FMN1: variants seen among roughly 807,000 people sequenced by gnomAD.
FMN1 encodes formin-1.
A neutral mutation model predicts 132.4 loss-of-function variants in FMN1; 110 were observed. The observed-to-expected ratio is 0.83, with a 90% CI of 0.71 to 0.97. FMN1 has a LOEUF of 0.97. FMN1 is among the 50% of genes least tolerant of loss of function. The pLI, the probability that FMN1 is intolerant of heterozygous loss-of-function variation, is 0.00. For synonymous variants in FMN1, 722 were observed against 651.7 expected, an observed-to-expected ratio of 1.11 and a Z score of -1.64; for missense variants, 1,792 against 1,705.3, an observed-to-expected ratio of 1.05 and a Z score of -0.90.
intron 17 of FMN1, among the ~76,000 whole-genome samples, chr15:32,821,825 C>G (rs1004352477): frequency 6.6e-6 from 1 of 152,172 alleles, no homozygotes. Flanking sequence ...AATACCCTAA[C>G]CTGGAACAAT....
intron 4 of FMN1, among the ~76,000 whole-genome samples, chr15:33,116,961 CCAATA>C (rs1356100690): frequency 2.6e-5 from 4 of 152,166 alleles, no homozygotes; most frequent in Non-Finnish European, 4.4e-5. Context: ...ATTGTTTCCA[CCAATA>C]CAACACTACC....
chr15:32,980,533 G>C (rs74012422), intron 7 of FMN1, among the ~76,000 whole-genome samples: 1 of 152,068 alleles, frequency 6.6e-6, no homozygotes, highest in African/African-American at 2.4e-5. Context: ...AAACTGTACA[G>C]TATTATGCCA....
At position 32,771,319 on chromosome 15, in the gene FMN1, C is replaced by G. The variant is rs911807411; in HGVS notation, c.*2991G>C. ...GGTCTCAATCTCCTGACCTCGTGATCCGCCCCCGCTTGGCCTCCCAAAGTG... is the reference window on the plus strand; with the variant it reads ...GGTCTCAATCTCCTGACCTCGTGATGCGCCCCCGCTTGGCCTCCCAAAGTG... On this transcript the variant is annotated 3_prime_UTR_variant, in exon 21 of 21. Transcript: ENST00000616417. The G allele has an allele frequency of 5.9e-5, 9 of 151,714 alleles. No individual in the cohort carries two copies. The highest frequency in any genetic ancestry group is 2.2e-4 in the African/African-American group (9 of 41,238). 9.4% of individuals were successfully genotyped at this position (151,714 alleles called of 1,614,324 possible). A position where few individuals can be genotyped will look rare whatever the true frequency, so the allele number is the denominator to read the frequency against.
chr15:33,129,117 C>G (rs1963422924), intron 4 of FMN1, among the ~76,000 whole-genome samples: 1 of 152,158 alleles, frequency 6.6e-6, no homozygotes. Flanking sequence ...CCCACAAAAC[C>G]CAGAAGCCCA....
chr15:33,099,721 T>C (rs929154232), intron 4 of FMN1, among the ~76,000 whole-genome samples: 2 of 152,214 alleles, frequency 1.3e-5, no homozygotes, highest in African/African-American at 4.8e-5. Context: ...GCACCTGCAA[T>C]TGGCATCCCC....
chr15:32,901,973 C>T lies in FMN1; in HGVS notation c.3445G>A (p.Val1149Ile), dbSNP rs770083846. The change falls in exon 13 of 21, where the codon GTC becomes ATC. Residue 1149 changes from valine (V) to isoleucine (I), a missense_variant. Val to Ile is a conservative substitution (Grantham distance 29). Around this residue, in one of 3 missense-constraint regions of FMN1, gnomAD observed 1,150 missense variants for 1,043.1 expected, o/e 1.10. Transcript: ENST00000616417. ...AAGGAGGTGATACCCTCAGAAAAGA[C>T]AGATCTGAAGATTATGCACTGGGCA... ...ERAQCIIFRSVFSEGITSLHR... is the reference protein window; with the variant it reads ...ERAQCIIFRSIFSEGITSLHR... The T allele has an allele frequency of 6.2e-7, 1 of 1,613,320 alleles. No homozygotes were observed. The highest frequency in any genetic ancestry group is 1.3e-5 in the African/African-American group (1 of 75,006).
chr15:32,958,924 C>T (rs963725833), intron 9 of FMN1, among the ~76,000 whole-genome samples: 22 of 151,378 alleles, frequency 1.5e-4, no homozygotes, highest in African/African-American at 2.2e-4. Context: ...TGCCTGTAAT[C>T]GTAGCTACTT....
chr15:32,930,718 T>C (rs2061092106), intron 9 of FMN1, among the ~76,000 whole-genome samples: 1 of 151,360 alleles, frequency 6.6e-6, no homozygotes, highest in Non-Finnish European at 1.5e-5. Context: ...TTTTGCTTTT[T>C]TTGGGGGGGG....
At position 32,998,354 on chromosome 15, in the gene FMN1, C is replaced by G. The variant is rs74012449; in HGVS notation, c.2223+9660G>C. 7.3e-3 allele frequency among the ~76,000 whole-genome samples: 1,116 copies of G among 152,232 alleles called. 19 individuals carry two copies. The highest frequency in any genetic ancestry group is 0.026 in the African/African-American group (1,089 of 41,528). On this transcript the variant is annotated intron_variant, in intron 7 of 20. Coordinates refer to ENST00000616417, the MANE Select transcript of FMN1 (RefSeq NM_001277313.2). Reference sequence around the variant, plus strand: ...AGTTGCCTAGCACTGATCTAGGTAACATGGGAAAAGAAAATCTCCTAGGAC... The same window carrying G: ...AGTTGCCTAGCACTGATCTAGGTAAGATGGGAAAAGAAAATCTCCTAGGAC...
At chr15:33,119,197 C>T (rs1302396713) in intron 4 of FMN1, among the ~76,000 whole-genome samples, 3 of 152,024 alleles carry the variant, frequency 2.0e-5, no homozygotes, top group African/African-American at 4.8e-5. Context: ...CAATGAACAC[C>T]CTTCTCTCTC....
chr15:32,885,092 T>C (rs928847247), intron 16 of FMN1, among the ~76,000 whole-genome samples: 1 of 152,244 alleles, frequency 6.6e-6, no homozygotes, highest in African/African-American at 2.4e-5. Context: ...AAGCTGTTAC[T>C]TTCACTGAAC....
chr15:33,128,747 A>T (rs373048763), intron 4 of FMN1, among the ~76,000 whole-genome samples: 1 of 152,218 alleles, frequency 6.6e-6, no homozygotes, highest in Non-Finnish European at 1.5e-5. Context: ...GATGTGGTGA[A>T]TTTTAAAGCC....
intron 4 of FMN1, among the ~76,000 whole-genome samples, chr15:33,115,493 C>A (rs758544345): frequency 1.2e-5 from 1 of 81,240 alleles, no homozygotes; most frequent in African/African-American, 4.2e-5. Flanking sequence ...ATCCTTAAGC[C>A]CCCCCCCCCC....
chr15:33,001,009 A>G (rs1048735551), intron 7 of FMN1, among the ~76,000 whole-genome samples: 3 of 152,162 alleles, frequency 2.0e-5, no homozygotes, highest in Non-Finnish European at 4.4e-5. Context: ...ACGGCCAGGC[A>G]CAGTGGCTCA....
chr15:33,052,053 G>A (rs2036998164), intron 6 of FMN1, among the ~76,000 whole-genome samples: 1 of 152,162 alleles, frequency 6.6e-6, no homozygotes, highest in African/African-American at 2.4e-5. Context: ...GAGGAGGAAA[G>A]AATTGAGGCC....
At chr15:33,157,925 A>C (rs1434690044) in intron 3 of FMN1, among the ~76,000 whole-genome samples, 1 of 151,292 alleles carries the variant, frequency 6.6e-6, no homozygotes, top group Non-Finnish European at 1.5e-5. Flanking sequence ...TTGAAGCTGC[A>C]GTGGACTGAG....
intron 17 of FMN1, among the ~76,000 whole-genome samples, chr15:32,852,515 G>C (rs1478554668): frequency 6.6e-6 from 1 of 152,110 alleles, no homozygotes; most frequent in Non-Finnish European, 1.5e-5. Flanking sequence ...AAGTAGCTGA[G>C]ACTACAGGCG....
chr15:32,919,915 A>G (rs1450559621), intron 10 of FMN1, among the ~76,000 whole-genome samples: 2 of 152,238 alleles, frequency 1.3e-5, no homozygotes, highest in South Asian at 2.1e-4. Context: ...CTGAGCACAT[A>G]GCTGACATCC....
chr15:33,038,689 A>G (rs958105718), intron 6 of FMN1, among the ~76,000 whole-genome samples: 4 of 152,194 alleles, frequency 2.6e-5, no homozygotes, highest in African/African-American at 9.7e-5. Flanking sequence ...CAGATAAATT[A>G]TTTGGAATTA....
Sources: allele counts gnomAD v4.1 joint callset (sites outside exome capture counted in the v4.1 genomes callset), GRCh38; gene constraint gnomAD v4.1.1; regional missense constraint gnomAD v4.1.1; transcripts MANE v1.5; gene names NCBI Gene and HGNC (gene_info 2026-07-23, HGNC 2026-07-21).